BICRAL: variants seen among roughly 807,000 people sequenced by gnomAD.
BICRAL encodes the protein BICRA like chromatin remodeling complex associated protein, also known as BRD4-interacting chromatin-remodeling complex-associated protein-like.
A neutral mutation model predicts 91.8 loss-of-function variants in BICRAL; 8 were observed. The ratio of observed to expected loss-of-function variants is 0.09; its 90% CI spans 0.05 to 0.16. The LOEUF (loss-of-function observed/expected upper bound fraction) is 0.16, where lower values mean the gene tolerates loss of function less well. BICRAL is among the 10% of genes least tolerant of loss of function. BICRAL has a pLI of 1.00. For synonymous variants in BICRAL, 445 were observed against 491.1 expected (o/e 0.91, Z 1.24); for missense variants, 1,038 against 1,310.9 (o/e 0.79, Z 3.21).
At chr6:42,855,271 T>G (rs1306940287) in intron 8 of BICRAL, among the ~76,000 whole-genome samples, 1 of 152,204 alleles carries the variant, frequency 6.6e-6, no homozygotes, top group Non-Finnish European at 1.5e-5. Flanking sequence ...GTCAGTGCTG[T>G]GGCTCACACC....
chr6:42,852,052 G>T (rs1765199394), intron 6 of BICRAL, 40 bp from the exon 7 acceptor site: 3 of 1,208,266 alleles, frequency 2.5e-6, no homozygotes, highest in Non-Finnish European at 2.4e-6. Context: ...TAAAGCTTTA[G>T]AAATGAAATT....
intron 10 of BICRAL, among the ~76,000 whole-genome samples, chr6:42,859,225 C>G (rs887991607): frequency 6.6e-6 from 1 of 151,972 alleles, no homozygotes; most frequent in African/African-American, 2.4e-5. Flanking sequence ...CCCATCTCTA[C>G]TAAAAATACA....
intron 2 of BICRAL, among the ~76,000 whole-genome samples, chr6:42,812,225 G>A (rs568307987): frequency 9.9e-5 from 15 of 152,248 alleles, no homozygotes; most frequent in South Asian, 2.1e-4. Flanking sequence ...TTTGTGTGGC[G>A]GAGGTGGCGG....
intron 5 of BICRAL, among the ~76,000 whole-genome samples, chr6:42,826,863 C>T (rs1459601223): frequency 2.0e-5 from 3 of 151,992 alleles, no homozygotes; most frequent in Non-Finnish European, 2.9e-5. Context: ...CTTGGCTCAC[C>T]GCAACCTCTG....
chr6:42,783,394 G>C, intron 1 of BICRAL, among the ~76,000 whole-genome samples: 1 of 152,152 alleles, frequency 6.6e-6, no homozygotes, highest in East Asian at 1.9e-4. Context: ...TGCTGTTCGC[G>C]CCCCCCCGAG....
chr6:42,781,634 C>G (rs2113857549), upstream of BICRAL, among the ~76,000 whole-genome samples: 1 of 145,606 alleles, frequency 6.9e-6, no homozygotes, highest in Admixed American at 6.9e-5. Flanking sequence ...GAGAGAGAGC[C>G]TGCAAGAGAA....
At chr6:42,831,397 T>C (rs1271585359) in intron 6 of BICRAL, among the ~76,000 whole-genome samples, 2 of 152,190 alleles carry the variant, frequency 1.3e-5, no homozygotes, top group Non-Finnish European at 2.9e-5. Flanking sequence ...GGCACTCTCA[T>C]TTGACCAAGT....
At chr6:42,759,460 A>G (rs1762511250) in intron 1 of BICRAL, among the ~76,000 whole-genome samples, 2 of 152,234 alleles carry the variant, frequency 1.3e-5, no homozygotes, top group Admixed American at 1.3e-4. Context: ...TTGGGCTGCG[A>G]TGATGGGAGT....
At position 42,846,391 on chromosome 6, in the gene BICRAL, T is replaced by TTAAATAAATAAATAAA. The variant is rs71547817; in HGVS notation, c.1840-5688_1840-5673dup. On this transcript the variant is annotated intron_variant, in intron 6 of 12. Transcript: ENST00000314073. The stretch of plus-strand genomic sequence containing the variant: ...TCAAAAAAATAAAATAAACAATAAG[T>TTAAATAAATAAATAAA]TAAATAAATAAATAAATAAATAAAT... Among the ~76,000 whole-genome samples, 579 of 150,986 alleles carry TTAAATAAATAAATAAA rather than the reference T, an allele frequency of 3.8e-3. 2 individuals carry two copies. Among genetic ancestry groups the TTAAATAAATAAATAAA allele is most frequent in the African/African-American group, 0.013 (519 of 40,922 alleles).
intron 6 of BICRAL, among the ~76,000 whole-genome samples, chr6:42,846,054 T>C (rs1582868133): frequency 1.0e-5 from 1 of 99,726 alleles, no homozygotes; most frequent in Non-Finnish European, 1.9e-5. Flanking sequence ...AGAGTGAGAC[T>C]CCATCTCAAA....
At chr6:42,833,971 C>T (rs1182989449) in intron 6 of BICRAL, among the ~76,000 whole-genome samples, 1 of 152,122 alleles carries the variant, frequency 6.6e-6, no homozygotes, top group East Asian at 1.9e-4. Flanking sequence ...TCTCCTGCCT[C>T]AGCCTCCCAA....
intron 6 of BICRAL, among the ~76,000 whole-genome samples, chr6:42,844,913 C>G (rs1764947376): frequency 6.6e-6 from 1 of 152,112 alleles, no homozygotes; most frequent in South Asian, 2.1e-4. Context: ...CCTATTGTAG[C>G]AAGAGAAGGT....
At chr6:42,768,161 G>A (rs1762664004) in intron 1 of BICRAL, among the ~76,000 whole-genome samples, 2 of 152,322 alleles carry the variant, frequency 1.3e-5, no homozygotes, top group Non-Finnish European at 2.9e-5. Context: ...CAGTGGAAAT[G>A]AAATTGAGGT....
intron 1 of BICRAL, among the ~76,000 whole-genome samples, chr6:42,790,817 A>G (rs1763250926): frequency 6.6e-6 from 1 of 152,066 alleles, no homozygotes; most frequent in Admixed American, 6.6e-5. Context: ...TGCTTGATGA[A>G]TAATGTTCTG....
At chr6:42,850,177 G>A (rs1765134407) in intron 6 of BICRAL, among the ~76,000 whole-genome samples, 1 of 152,160 alleles carries the variant, frequency 6.6e-6, no homozygotes, top group South Asian at 2.1e-4. Context: ...TAAGTCCACT[G>A]TGCAGATGGT....
At chr6:42,817,164 GTGTGTGTGTATATA>G (rs1468115529) in intron 2 of BICRAL, among the ~76,000 whole-genome samples, 1 of 151,556 alleles carries the variant, frequency 6.6e-6, no homozygotes, top group Non-Finnish European at 1.5e-5. Context: ...GTGTGTGTGT[GTGTGTGTGTATATA>G]TGTGTGTGTG....
intron 1 of BICRAL, among the ~76,000 whole-genome samples, chr6:42,802,314 C>G (rs1009531070): frequency 6.6e-6 from 1 of 152,064 alleles, no homozygotes; most frequent in Non-Finnish European, 1.5e-5. Flanking sequence ...CTGAATAAAA[C>G]TAGAAATCAG....
intron 6 of BICRAL, among the ~76,000 whole-genome samples, chr6:42,840,162 A>G (rs1287660979): frequency 6.6e-6 from 1 of 152,170 alleles, no homozygotes; most frequent in Non-Finnish European, 1.5e-5. Flanking sequence ...CAGCCTTCCA[A>G]ATAGGATTAC....
At position 42,829,611 on chromosome 6, in the gene BICRAL, A is replaced by C; in HGVS notation, c.1278A>C (p.Gln426His). Residue 426 changes from glutamine to histidine, a missense_variant, in exon 6 of 13, where the codon CAA becomes CAC. Physicochemically the swap from Gln to His is conservative, Grantham distance 24. Coordinates refer to ENST00000314073, the MANE Select transcript of BICRAL (RefSeq NM_001393499.1). ...AGACTATAAATGGGCAACTTCTTCAAACTCAACCCTCTCAGCTCATTTCTG... is the reference window on the plus strand; with the variant it reads ...AGACTATAAATGGGCAACTTCTTCACACTCAACCCTCTCAGCTCATTTCTG... ...HVQTINGQLL[Q>H]TQPSQLISGQ... The C allele has an allele frequency of 6.2e-7, 1 of 1,614,212 alleles. No individual in the cohort carries two copies. Among genetic ancestry groups the C allele is most frequent in the East Asian group, 2.2e-5 (1 of 44,880 alleles).
Sources: allele counts gnomAD v4.1 joint callset (sites outside exome capture counted in the v4.1 genomes callset), GRCh38; gene constraint gnomAD v4.1.1; transcripts MANE v1.5; gene names NCBI Gene and HGNC (gene_info 2026-07-23, HGNC 2026-07-21).